Variants in CADPS2 observed in about 807,000 individuals in gnomAD.
CADPS2 encodes calcium dependent secretion activator 2, also known as calcium-dependent secretion activator 2.
A neutral mutation model predicts 172.5 loss-of-function variants in CADPS2; 93 were observed. The observed-to-expected ratio is 0.54, with a 90% confidence interval of 0.46 to 0.64. CADPS2 has a LOEUF of 0.64. Ranked by LOEUF, CADPS2 falls within the 30% of genes least tolerant of loss-of-function variation. The pLI, the probability that CADPS2 is intolerant of heterozygous loss-of-function variation, is 0.00. For synonymous variants in CADPS2, 546 were observed against 555.2 expected (o/e 0.98, Z 0.23); for missense variants, 1,420 against 1,565.9 (o/e 0.91, Z 1.57).
chr7:122,838,953 A>G (rs1436899353), intron 1 of CADPS2, among the ~76,000 whole-genome samples: 5 of 152,228 alleles, frequency 3.3e-5, no homozygotes, highest in Admixed American at 3.3e-4. Flanking sequence ...GGAACCAAAA[A>G]AGAGCCTGTA....
chr7:122,448,601 G>A (rs1458255784), intron 15 of CADPS2, among the ~76,000 whole-genome samples: 1 of 152,204 alleles, frequency 6.6e-6, no homozygotes, highest in African/African-American at 2.4e-5. Flanking sequence ...CTACTATGTA[G>A]TTGTAGTTTT....
chr7:122,656,790 T>C (rs2079849337), intron 3 of CADPS2, among the ~76,000 whole-genome samples: 1 of 152,210 alleles, frequency 6.6e-6, no homozygotes, highest in Non-Finnish European at 1.5e-5. Context: ...TCTCTTTTGC[T>C]GTGCAGAAGA....
intron 7 of CADPS2, among the ~76,000 whole-genome samples, chr7:122,576,540 A>G (rs1433295647): frequency 6.6e-6 from 1 of 152,194 alleles, no homozygotes; most frequent in African/African-American, 2.4e-5. Flanking sequence ...GTGTGCATAC[A>G]TTAATGTACA....
intron 1 of CADPS2, among the ~76,000 whole-genome samples, chr7:122,786,629 TGA>T (rs1027038821): frequency 6.6e-6 from 1 of 152,212 alleles, no homozygotes; most frequent in Non-Finnish European, 1.5e-5. Context: ...CTTTCAATTT[TGA>T]GATGTAAATT....
intron 11 of CADPS2, among the ~76,000 whole-genome samples, chr7:122,484,405 C>T (rs912790753): frequency 3.9e-5 from 6 of 151,972 alleles, no homozygotes; most frequent in East Asian, 3.9e-4. Flanking sequence ...ATTCAGGGTA[C>T]GATAATCTCT....
At chr7:122,737,196 A>G in intron 1 of CADPS2, 128 bp from the exon 2 acceptor site, 1 of 581,480 alleles carries the variant, frequency 1.7e-6, no homozygotes, top group Non-Finnish European at 3.0e-6. Flanking sequence ...AGAAAAATAA[A>G]AGCTAAAACA....
chr7:122,367,311 T>C (rs2041048809), intron 25 of CADPS2, among the ~76,000 whole-genome samples: 1 of 152,126 alleles, frequency 6.6e-6, no homozygotes, highest in African/African-American at 2.4e-5. Context: ...AGAGAGAGAA[T>C]GTATATATAC....
chr7:122,568,705 A>T (rs1261686597), intron 7 of CADPS2, among the ~76,000 whole-genome samples: 1 of 152,138 alleles, frequency 6.6e-6, no homozygotes, highest in African/African-American at 2.4e-5. Context: ...TAAATCAAAG[A>T]CTAAATGTAA....
chr7:122,702,242 C>T, intron 2 of CADPS2: 2 of 1,613,872 alleles, frequency 1.2e-6, no homozygotes, highest in Non-Finnish European at 1.7e-6. Context: ...CACATAGACT[C>T]CTTTCTGAAT....
intron 8 of CADPS2, among the ~76,000 whole-genome samples, chr7:122,529,908 T>C (rs1477492952): frequency 6.6e-6 from 1 of 152,264 alleles, no homozygotes; most frequent in South Asian, 2.1e-4. Flanking sequence ...AGAATCCAAA[T>C]AATTCTTTAA....
intron 9 of CADPS2, among the ~76,000 whole-genome samples, chr7:122,497,263 A>ATC (rs2058813043): frequency 6.6e-6 from 1 of 152,112 alleles, no homozygotes; most frequent in Non-Finnish European, 1.5e-5. Flanking sequence ...AGCCCTGAAA[A>ATC]TCTAGTCTTC....
At chr7:122,324,367 A>G (rs2033362999) in intron 29 of CADPS2, among the ~76,000 whole-genome samples, 1 of 152,166 alleles carries the variant, frequency 6.6e-6, no homozygotes, top group African/African-American at 2.4e-5. Flanking sequence ...AAAATATTTT[A>G]ATGTGGCTAG....
At chr7:122,802,460 C>A (rs1182872957) in intron 1 of CADPS2, among the ~76,000 whole-genome samples, 1 of 152,170 alleles carries the variant, frequency 6.6e-6, no homozygotes, top group Admixed American at 6.6e-5. Flanking sequence ...CCCCAAAAAT[C>A]CGTTCTTGGA....
intron 1 of CADPS2, among the ~76,000 whole-genome samples, chr7:122,738,377 T>A (rs1268697607): frequency 6.6e-6 from 1 of 151,694 alleles, no homozygotes; most frequent in East Asian, 1.9e-4. Context: ...AAATAAGGCG[T>A]CTTAGATCTT....
chr7:122,586,530 G>A (rs1389351116), intron 6 of CADPS2, among the ~76,000 whole-genome samples: 1 of 151,878 alleles, frequency 6.6e-6, no homozygotes, highest in Non-Finnish European at 1.5e-5. Flanking sequence ...TTGGTTTTGA[G>A]CTTTATGTTC....
rs200590801 is a variant in CADPS2, at chr7:122,471,536, A to G, written c.2025T>C (p.Phe675=). The part of the protein sequence containing the change: ...CLGWFSPGQV[F]VLDEYCARYG... ...AACGGGCACAGTACTCATCTAACAC[A>G]AAGACTTGGCCAGGGCTAAACCATC... The change falls in exon 14 of 30, where the codon TTT becomes TTC. Residue 675 remains phenylalanine (F), a synonymous_variant. Coordinates refer to ENST00000449022, the MANE Select transcript of CADPS2 (RefSeq NM_017954.11). 291 of 1,605,870 alleles carry G rather than the reference A, an allele frequency of 1.8e-4. No homozygotes were observed. The highest frequency in any genetic ancestry group is 1.8e-3 in the African/African-American group (135 of 74,848).
chr7:122,650,271 T>C (rs1280919943), intron 3 of CADPS2, among the ~76,000 whole-genome samples: 1 of 151,946 alleles, frequency 6.6e-6, no homozygotes, highest in East Asian at 1.9e-4. Context: ...TTTAAATTTG[T>C]TAGAATATTT....
intron 12 of CADPS2, among the ~76,000 whole-genome samples, chr7:122,475,426 T>C (rs945411644): frequency 6.6e-6 from 1 of 152,204 alleles, no homozygotes; most frequent in Middle Eastern, 3.2e-3. Context: ...AATTCACAGA[T>C]AGATCTCTTT....
In CADPS2 at chr7:122,399,660, C is replaced by CTTTTTTTTTTTTTTTTTTTTTTTTTT. The variant is rs1008163151; in HGVS notation, c.2747-6104_2747-6079dup. 7.8e-5 allele frequency among the ~76,000 whole-genome samples: 4 copies of CTTTTTTTTTTTTTTTTTTTTTTTTTT among 51,210 alleles called. 2 individuals are homozygous for CTTTTTTTTTTTTTTTTTTTTTTTTTT. The highest frequency in any genetic ancestry group is 1.5e-4 in the Non-Finnish European group (4 of 27,068). 33.6% of individuals were successfully genotyped at this position (51,210 alleles called of 152,430 possible). ...CGATAACTCTCTCAAGGGTGGGTTTCTTTTTTTTTTTTTTTTTTTTTTTTT... is the reference window on the plus strand; with the variant it reads ...CGATAACTCTCTCAAGGGTGGGTTTCTTTTTTTTTTTTTTTTTTTTTTTTTTTTTTTTTTTTTTTTTTTTTTTTTTT... On this transcript the variant is annotated intron_variant, in intron 20 of 29. Transcript: ENST00000449022.
Sources: allele counts gnomAD v4.1 joint callset (sites outside exome capture counted in the v4.1 genomes callset), GRCh38; gene constraint gnomAD v4.1.1; transcripts MANE v1.5; gene names NCBI Gene and HGNC (gene_info 2026-07-23, HGNC 2026-07-21).